Variants in CIT observed in about 807,000 individuals in gnomAD.
The protein encoded by CIT is citron Rho-interacting kinase.
A neutral mutation model predicts 272.7 loss-of-function variants in CIT; 79 were observed. The ratio of observed to expected loss-of-function variants is 0.29; its 90% CI spans 0.24 to 0.35. The LOEUF (loss-of-function observed/expected upper bound fraction) is 0.35, where lower values mean the gene tolerates loss of function less well. Among genes scored for constraint, CIT ranks in the 10% least tolerant of loss-of-function variants. The pLI is 1.00. For missense variants in CIT, 1,909 were observed against 2,618.3 expected, an observed-to-expected ratio of 0.73 and a Z score of 5.91; for synonymous variants, 948 against 995.6, an observed-to-expected ratio of 0.95 and a Z score of 0.90.
intron 32 of CIT, among the ~76,000 whole-genome samples, chr12:119,715,163 CT>C (rs1353712658): frequency 1.3e-5 from 2 of 152,194 alleles, no homozygotes; most frequent in Non-Finnish European, 2.9e-5. Flanking sequence ...TGAGACATGC[CT>C]TTTGCCTTCC....
rs1474402120 is a variant in CIT at position 119,708,309 on chromosome 12, C to T, written c.5081G>A (p.Arg1694Gln). Residue 1694 changes from arginine to glutamine, a missense_variant, in exon 40 of 48, where the codon CGG (arginine) becomes CAG (glutamine). Coordinates refer to ENST00000392521, the MANE Select transcript of CIT (RefSeq NM_001206999.2). ...CTTCACGTCCACAAGACACAGTGCC[C>T]GCTCTTCTCCTGAACAGGAAAAGGA... Reference protein sequence around the residue: ...EKLLMIAGEERALCLVDVKKV... With the variant: ...EKLLMIAGEEQALCLVDVKKV... The T allele has an allele frequency of 1.9e-6, 3 of 1,589,842 alleles. No individual in the cohort carries two copies. Among genetic ancestry groups the T allele is most frequent in the Non-Finnish European group, 2.6e-6 (3 of 1,168,094 alleles).
At chr12:119,873,445 T>C (rs1950745389) in intron 2 of CIT, among the ~76,000 whole-genome samples, 2 of 151,706 alleles carry the variant, frequency 1.3e-5, no homozygotes, top group Non-Finnish European at 2.9e-5. Context: ...AGTCAGCTAT[T>C]TTTTGTGTTT....
At chr12:119,859,875 T>C (rs769865398) in intron 3 of CIT, among the ~76,000 whole-genome samples, 8 of 151,370 alleles carry the variant, frequency 5.3e-5, no homozygotes, top group East Asian at 1.9e-4. Context: ...GGTGAAATCA[T>C]AGAATCATAA....
chr12:119,747,885 C>T (rs1252085730), intron 23 of CIT, among the ~76,000 whole-genome samples: 2 of 152,130 alleles, frequency 1.3e-5, no homozygotes, highest in Non-Finnish European at 2.9e-5. Context: ...GTCTGACAGG[C>T]AGGCATAATG....
chr12:119,827,460 A>T (rs376947515), intron 7 of CIT, among the ~76,000 whole-genome samples: 311 of 149,752 alleles, frequency 2.1e-3, no homozygotes, highest in African/African-American at 7.1e-3. Flanking sequence ...TTTTTCCGAG[A>T]TGGAGTCTCG....
At chr12:119,709,815 T>C (rs1352630118) in intron 39 of CIT, among the ~76,000 whole-genome samples, 2 of 149,708 alleles carry the variant, frequency 1.3e-5, no homozygotes, top group Admixed American at 6.6e-5. Flanking sequence ...TGTGTGTGTG[T>C]GTGTGTGTGT....
chr12:119,850,073 T>C, intron 5 of CIT, 101 bp downstream of exon 5: 3 of 815,154 alleles, frequency 3.7e-6, no homozygotes, highest in Non-Finnish European at 6.4e-6. Flanking sequence ...AGTCTTTGCA[T>C]GAATGAGACC....
chr12:119,748,575 T>A (rs1959775695), intron 23 of CIT, among the ~76,000 whole-genome samples: 1 of 152,230 alleles, frequency 6.6e-6, no homozygotes, highest in Non-Finnish European at 1.5e-5. Flanking sequence ...TTGGCTATCA[T>A]GCCGATGGCT....
intron 10 of CIT, among the ~76,000 whole-genome samples, chr12:119,794,666 T>C (rs1965580283): frequency 6.6e-6 from 1 of 152,164 alleles, no homozygotes; most frequent in African/African-American, 2.4e-5. Context: ...AAAAATTAGA[T>C]GGAGATATTA....
chr12:119,736,968 G>T (rs1352480202), intron 24 of CIT, among the ~76,000 whole-genome samples: 4 of 152,118 alleles, frequency 2.6e-5, no homozygotes. Flanking sequence ...TCTGACCTTT[G>T]CTGGGTTGGT....
chr12:119,840,817 T>C (rs1023268438), intron 5 of CIT, among the ~76,000 whole-genome samples: 8 of 152,184 alleles, frequency 5.3e-5, no homozygotes, highest in Admixed American at 5.2e-4. Context: ...AAACAGCACA[T>C]GTCTCACTGT....
rs74362334 is a variant in CIT at position 119,737,471 on chromosome 12, C to T, written c.2959-2114G>A. Among the ~76,000 whole-genome samples the T allele has an allele frequency of 1.7e-3, 262 of 152,080 alleles. 3 individuals carry two copies. Among genetic ancestry groups the T allele is most frequent in the African/African-American group, 6.1e-3 (251 of 41,478 alleles). ...TTGGGTACCTGCTTTCTTTGATTCA[C>T]GAAAAAAATGCAATTTATCATTTGT... On this transcript the variant is annotated intron_variant, in intron 24 of 47. Coordinates refer to ENST00000392521, the MANE Select transcript of CIT (RefSeq NM_001206999.2).
At position 119,710,951 on chromosome 12, in the gene CIT, A is replaced by T; in HGVS notation, c.4855-331T>A. The T allele has an allele frequency of 9.8e-7, 1 of 1,016,588 alleles. No individual in the cohort carries two copies. The highest frequency in any genetic ancestry group is 1.4e-6 in the Non-Finnish European group (1 of 707,468). The allele number at this position is 1,016,588 out of a possible 1,614,324, so 63.0% of individuals were successfully genotyped here. On this transcript the variant is annotated intron_variant, in intron 37 of 47. Coordinates refer to ENST00000392521, the MANE Select transcript of CIT (RefSeq NM_001206999.2). This position sits in a 1 kb window ranked among gnomAD's most constrained non-coding sequence, Gnocchi z 5.6. ...AAGGAGATTTCACCTGCGCAGGGTT[A>T]ATAAGACACATGAAAGACTCCTTCC...
chr12:119,823,116 G>T, intron 8 of CIT, 143 bp from the exon 9 acceptor site: 2 of 801,194 alleles, frequency 2.5e-6, no homozygotes, highest in Non-Finnish European at 1.9e-6. Context: ...TCTTCCCTTT[G>T]GACCAAAGGC....
chr12:119,744,335 T>C (rs575232433), intron 23 of CIT, among the ~76,000 whole-genome samples: 189 of 151,942 alleles, frequency 1.2e-3, no homozygotes, highest in African/African-American at 4.4e-3. Context: ...TGCTTATGTA[T>C]GAAAACCCAA....
intron 7 of CIT, among the ~76,000 whole-genome samples, chr12:119,832,455 A>G (rs1968707500): frequency 6.6e-6 from 1 of 152,246 alleles, no homozygotes; most frequent in Admixed American, 6.5e-5. Context: ...ATTTTAAAGT[A>G]AAAAAGATAA....
At chr12:119,814,364 A>T (rs1966941017) in intron 9 of CIT, among the ~76,000 whole-genome samples, 1 of 152,234 alleles carries the variant, frequency 6.6e-6, no homozygotes, top group African/African-American at 2.4e-5. Context: ...ATATCCCATA[A>T]GAGATTATAA....
Position 119,804,453 on chromosome 12 carries a change from G to A in CIT, c.1112-1064C>T, listed in dbSNP as rs1211696664. 1 of 985,952 alleles carries A rather than the reference G, an allele frequency of 1.0e-6. No individual in the cohort carries two copies. Among genetic ancestry groups the A allele is most frequent in the Non-Finnish European group, 1.2e-6 (1 of 830,334 alleles). 61.1% of individuals were successfully genotyped at this position (985,952 alleles called of 1,614,324 possible). ...CGTGCTCTGGCTGGAACCCCACCTG[G>A]CTGCCGCCTGCCTGCCAGGGGCCAG... On this transcript the variant is annotated intron_variant, in intron 9 of 47. Transcript: ENST00000392521. The surrounding 1 kb of genome is among the most constrained non-coding windows in gnomAD (Gnocchi z 5.3).
chr12:119,714,095 T>C (rs1361383603), intron 33 of CIT, 102 bp downstream of exon 33: 1 of 1,340,708 alleles, frequency 7.5e-7, no homozygotes, highest in African/African-American at 1.5e-5. Context: ...CGAAAATGAA[T>C]GCACTATATG....
Sources: allele counts gnomAD v4.1 joint callset (sites outside exome capture counted in the v4.1 genomes callset), GRCh38; gene constraint gnomAD v4.1.1; non-coding constraint Gnocchi (gnomAD v3.1); transcripts MANE v1.5; gene names NCBI Gene and HGNC (gene_info 2026-07-23, HGNC 2026-07-21).